The following CTNNA2 variants were observed in gnomAD, a reference collection of about 807,000 sequenced individuals.
CTNNA2 encodes the protein catenin alpha-2.
A neutral mutation model predicts 101.0 loss-of-function variants in CTNNA2; 42 were observed. The ratio of observed to expected loss-of-function variants is 0.42; its 90% CI spans 0.32 to 0.54. The LOEUF (loss-of-function observed/expected upper bound fraction) is 0.54, where lower values mean the gene tolerates loss of function less well. CTNNA2 is among the 20% of genes least tolerant of loss of function. CTNNA2 has a pLI of 0.14. For synonymous variants in CTNNA2, 450 were observed against 456.4 expected (o/e 0.99, Z 0.18); for missense variants, 871 against 1,223.1 (o/e 0.71, Z 4.29).
intron 3 of CTNNA2, among the ~76,000 whole-genome samples, chr2:79,313,497 C>A (rs1676429579): frequency 6.6e-6 from 1 of 152,084 alleles, no homozygotes. Context: ...TGCAGAGGGG[C>A]AAAGCAATTT....
intron 11 of CTNNA2, 139 bp from the exon 12 acceptor site, chr2:80,555,554 C>A: frequency 2.2e-6 from 1 of 451,770 alleles, no homozygotes. Context: ...AAACTATGTC[C>A]TTTACATACA....
chr2:79,667,192 A>C (rs1682480236), intron 2 of CTNNA2, among the ~76,000 whole-genome samples: 1 of 152,218 alleles, frequency 6.6e-6, no homozygotes, highest in South Asian at 2.1e-4. Context: ...TCTGATTTAC[A>C]ATAGAGCAGC....
intron 7 of CTNNA2, among the ~76,000 whole-genome samples, chr2:80,325,714 G>A (rs1679178896): frequency 6.6e-6 from 1 of 152,172 alleles, no homozygotes; most frequent in Non-Finnish European, 1.5e-5. Flanking sequence ...TTCAGTAGAA[G>A]CCATGATGAG....
chr2:79,627,039 C>G (rs879424688), intron 1 of CTNNA2, among the ~76,000 whole-genome samples: 1 of 152,132 alleles, frequency 6.6e-6, no homozygotes, highest in Non-Finnish European at 1.5e-5. Context: ...GGTCTCATTT[C>G]CTAAATGACT....
intron 7 of CTNNA2, among the ~76,000 whole-genome samples, chr2:80,022,460 G>A (rs1455375823): frequency 1.3e-5 from 2 of 152,076 alleles, no homozygotes; most frequent in Non-Finnish European, 2.9e-5. Context: ...GAGCTGAAGG[G>A]CAAATGAGAA....
intron 7 of CTNNA2, among the ~76,000 whole-genome samples, chr2:80,230,958 G>A (rs1709173224): frequency 6.6e-6 from 1 of 151,240 alleles, no homozygotes. Context: ...TGTTCCTGGT[G>A]TTTGTTTTGT....
chr2:80,151,694 C>T (rs1461295383), intron 7 of CTNNA2, among the ~76,000 whole-genome samples: 1 of 152,208 alleles, frequency 6.6e-6, no homozygotes, highest in Non-Finnish European at 1.5e-5. Context: ...CAGGCTCCAC[C>T]ACTGTTAGCT....
chr2:79,650,510 A>G (rs1681153707), intron 1 of CTNNA2, among the ~76,000 whole-genome samples: 1 of 152,038 alleles, frequency 6.6e-6, no homozygotes, highest in Non-Finnish European at 1.5e-5. Context: ...GGGTTCCTAC[A>G]TCTAGTAATC....
At chr2:80,157,539 A>G (rs1291382932) in intron 7 of CTNNA2, among the ~76,000 whole-genome samples, 1 of 151,970 alleles carries the variant, frequency 6.6e-6, no homozygotes, top group Non-Finnish European at 1.5e-5. Flanking sequence ...ATTCGTGACC[A>G]TTTTTTTGTT....
chr2:79,269,253 A>G (rs1675029876), intron 2 of CTNNA2, among the ~76,000 whole-genome samples: 1 of 152,142 alleles, frequency 6.6e-6, no homozygotes, highest in Admixed American at 6.5e-5. Context: ...TAAAATATTG[A>G]CAGCCTAAGC....
rs1160947149 is a variant in CTNNA2, at chr2:80,449,746, A to C, written c.1290+30145A>C. Among the ~76,000 whole-genome samples the C allele has an allele frequency of 5.9e-5, 9 of 152,320 alleles. No individual in the cohort carries two copies. The East Asian group carries it at 1.7e-3, about 29-fold the overall frequency. On this transcript the variant is annotated intron_variant, in intron 9 of 18. Transcript: ENST00000402739. ...ACTAATCAGTGACAGAACTATAAATACAAAATCCAGGGTCACTAGGTTCTG... is the reference window on the plus strand; with the variant it reads ...ACTAATCAGTGACAGAACTATAAATCCAAAATCCAGGGTCACTAGGTTCTG...
At chr2:80,078,800 C>T (rs1256764032) in intron 7 of CTNNA2, among the ~76,000 whole-genome samples, 2 of 152,088 alleles carry the variant, frequency 1.3e-5, no homozygotes, top group East Asian at 1.9e-4. Context: ...CAGCCCTTAC[C>T]CCCTATGTTT....
chr2:79,478,098 C>G (rs2104553674), intron 4 of CTNNA2, among the ~76,000 whole-genome samples: 1 of 152,310 alleles, frequency 6.6e-6, no homozygotes, highest in Middle Eastern at 3.4e-3. Context: ...ACTACTTCAA[C>G]TTAAAAAAGG....
intron 12 of CTNNA2, among the ~76,000 whole-genome samples, chr2:80,567,752 T>C (rs73938511): frequency 0.018 from 2,694 of 152,236 alleles, 80 homozygotes; most frequent in African/African-American, 0.058. Context: ...ATTCCAACTG[T>C]TACAGTAGAG....
chr2:79,269,067 G>A (rs1048919814), intron 2 of CTNNA2, among the ~76,000 whole-genome samples: 9 of 152,050 alleles, frequency 5.9e-5, no homozygotes, highest in African/African-American at 1.9e-4. Context: ...TATCTATGCG[G>A]TATGTTAGAA....
intron 4 of CTNNA2, among the ~76,000 whole-genome samples, chr2:79,479,258 A>G (rs771544061): frequency 2.0e-5 from 3 of 152,180 alleles, no homozygotes; most frequent in Admixed American, 6.6e-5. Flanking sequence ...ACAGGATGCC[A>G]TGTCCAAGTC....
chr2:79,948,672 T>C (rs1418006861), intron 7 of CTNNA2, among the ~76,000 whole-genome samples: 1 of 152,160 alleles, frequency 6.6e-6, no homozygotes, highest in Admixed American at 6.5e-5. Flanking sequence ...GTTCAACCTA[T>C]TAAATTTCAC....
Position 80,419,520 on chromosome 2 carries a change from T to G in CTNNA2, c.1209T>G (p.Ile403Met). 1 of 1,613,762 alleles carries G rather than the reference T, an allele frequency of 6.2e-7. No individual in the cohort carries two copies. Among genetic ancestry groups the G allele is most frequent in the Non-Finnish European group, 8.5e-7 (1 of 1,179,746 alleles). The change falls in exon 9 of 19, where the codon ATT (isoleucine) becomes ATG (methionine). Residue 403 changes from isoleucine to methionine, a missense_variant. Coordinates refer to ENST00000402739, the MANE Select transcript of CTNNA2 (RefSeq NM_001282597.3). ...LETNVPLLVL[I>M]EAAKSGNEKE... The stretch of plus-strand genomic sequence containing the variant: ...CCAATGTTCCTTTGCTAGTTCTCAT[T>G]GAGGCTGCAAAGAGCGGAAATGAAA...
Position 79,201,690 on chromosome 2 carries a change from A to G in CTNNA2, c.-406+3614A>G, listed in dbSNP as rs1199093420. Among the ~76,000 whole-genome samples, 3 of 152,150 alleles carry G rather than the reference A, an allele frequency of 2.0e-5. No individual in the cohort carries two copies. In the East Asian group the frequency reaches 5.8e-4, roughly 29 times the overall value. ...GCAAATTGTCCTACTGGTTTGAGCC[A>G]TAAAGAAACTCAAGCTGGTACCAAG... On this transcript the variant is annotated intron_variant, in intron 2 of 21. Coordinates refer to the CTNNA2 transcript ENST00000466387.
Sources: allele counts gnomAD v4.1 joint callset (sites outside exome capture counted in the v4.1 genomes callset), GRCh38; gene constraint gnomAD v4.1.1; transcripts MANE v1.5; gene names NCBI Gene and HGNC (gene_info 2026-07-23, HGNC 2026-07-21).